NCAM1: variants seen among roughly 807,000 people sequenced by gnomAD.
NCAM1 encodes neural cell adhesion molecule 1.
Under a neutral mutation model 109.8 loss-of-function variants are expected in NCAM1, and 14 were observed. The ratio of observed to expected loss-of-function variants is 0.13; its 90% CI spans 0.08 to 0.20. The LOEUF (loss-of-function observed/expected upper bound fraction) is 0.20, where lower values mean the gene tolerates loss of function less well. Ranked by LOEUF, NCAM1 falls within the 10% of genes least tolerant of loss-of-function variation. The pLI is 1.00. For missense variants in NCAM1, 774 were observed against 1,109.9 expected, an observed-to-expected ratio of 0.70 and a Z score of 4.30; for synonymous variants, 418 against 442.9, an observed-to-expected ratio of 0.94 and a Z score of 0.70.
At chr11:113,054,671 T>A (rs1953624002) in intron 1 of NCAM1, among the ~76,000 whole-genome samples, 1 of 152,220 alleles carries the variant, frequency 6.6e-6, no homozygotes, top group African/African-American at 2.4e-5. Flanking sequence ...GGGGCCAAAT[T>A]GATCCAGTCT....
In NCAM1 at chr11:113,014,987, G is replaced by A. The variant is rs548399671; in HGVS notation, c.52+53323G>A. ...CCACCGTCTGCTTGGGTGTGCTGCCGCCAGCTGGCTTCCAGCCTTCTGCTC... is the reference window on the plus strand; with the variant it reads ...CCACCGTCTGCTTGGGTGTGCTGCCACCAGCTGGCTTCCAGCCTTCTGCTC... On this transcript the variant is annotated intron_variant, in intron 1 of 19. Coordinates refer to ENST00000316851, the MANE Select transcript of NCAM1 (RefSeq NM_181351.5). Among the ~76,000 whole-genome samples, 67 of 152,278 alleles carry A rather than the reference G, an allele frequency of 4.4e-4. No homozygotes were observed. In the South Asian group the frequency reaches 5.8e-3, roughly 13 times the overall value.
At chr11:113,262,804 C>A in intron 17 of NCAM1, 1 of 1,606,878 alleles carries the variant, frequency 6.2e-7, no homozygotes, top group Non-Finnish European at 8.5e-7. Context: ...TGTTTTTAAA[C>A]AACCACATTA....
intron 8 of NCAM1, among the ~76,000 whole-genome samples, chr11:113,215,825 C>A (rs758329579): frequency 6.6e-5 from 10 of 152,296 alleles, no homozygotes; most frequent in Non-Finnish European, 1.5e-4. Context: ...TAGAATTAAA[C>A]CCTTAGCTAA....
Position 113,275,488 on chromosome 11 carries a change from A to C in NCAM1, c.*101A>C. On this transcript the variant is annotated 3_prime_UTR_variant, in exon 20 of 20. Coordinates refer to ENST00000316851, the MANE Select transcript of NCAM1 (RefSeq NM_181351.5). Reference sequence around the variant, plus strand: ...GACACACACACGCACGCACACACACAAACACACATGCACACACACACATCT... The same window carrying C: ...GACACACACACGCACGCACACACACCAACACACATGCACACACACACATCT... 1 of 1,394,030 alleles carries C rather than the reference A, an allele frequency of 7.2e-7. No individual in the cohort carries two copies. Among genetic ancestry groups the C allele is most frequent in the South Asian group, 1.3e-5 (1 of 75,338 alleles). The allele number at this position is 1,394,030 out of a possible 1,614,324, so 86.4% of individuals were successfully genotyped here. A position where few individuals can be genotyped will look rare whatever the true frequency, so the allele number is the denominator to read the frequency against.
At chr11:113,083,422 G>A (rs1408396084) in intron 1 of NCAM1, among the ~76,000 whole-genome samples, 10 of 152,156 alleles carry the variant, frequency 6.6e-5, no homozygotes, top group African/African-American at 2.4e-4. Flanking sequence ...ACTATTTACA[G>A]GAAAAAGGTG....
chr11:113,114,269 A>G (rs1940583648), intron 1 of NCAM1, among the ~76,000 whole-genome samples: 1 of 152,166 alleles, frequency 6.6e-6, no homozygotes, highest in Admixed American at 6.5e-5. Context: ...GTTTCAGAGC[A>G]TTGCAGAGGG....
chr11:113,070,112 A>G (rs1027781634), intron 1 of NCAM1, among the ~76,000 whole-genome samples: 4 of 152,142 alleles, frequency 2.6e-5, no homozygotes, highest in African/African-American at 9.7e-5. Context: ...TGAGCCAATG[A>G]GAAGGTCATA....
At chr11:113,242,051 G>A (rs577894270) in intron 14 of NCAM1, among the ~76,000 whole-genome samples, 3 of 152,286 alleles carry the variant, frequency 2.0e-5, no homozygotes, top group Non-Finnish European at 2.9e-5. Flanking sequence ...CGCTTCTTCC[G>A]CCTGAAGCTC....
chr11:113,247,635 T>G (rs1356436537), intron 15 of NCAM1, among the ~76,000 whole-genome samples: 1 of 152,208 alleles, frequency 6.6e-6, no homozygotes, highest in Non-Finnish European at 1.5e-5. Context: ...GACTTGCCTA[T>G]GAGCCATCTT....
intron 14 of NCAM1, among the ~76,000 whole-genome samples, chr11:113,238,585 G>A (rs1169154424): frequency 5.3e-5 from 8 of 152,106 alleles, no homozygotes; most frequent in African/African-American, 1.7e-4. Context: ...AACTGAGGAC[G>A]AGCCTTAGGA....
intron 1 of NCAM1, among the ~76,000 whole-genome samples, chr11:113,042,257 CA>C (rs1348116377): frequency 2.0e-5 from 3 of 152,104 alleles, no homozygotes; most frequent in African/African-American, 7.2e-5. Flanking sequence ...GAGATGTTAT[CA>C]CCTCCTTTTC....
At chr11:113,221,476 T>C (rs1944692719) in intron 9 of NCAM1, 151 bp downstream of exon 9, 1 of 762,720 alleles carries the variant, frequency 1.3e-6, no homozygotes, top group African/African-American at 1.8e-5. Context: ...AGCAATAGTA[T>C]CATTTTAGGA....
At chr11:113,150,460 G>C (rs1942185449) in intron 1 of NCAM1, among the ~76,000 whole-genome samples, 1 of 152,158 alleles carries the variant, frequency 6.6e-6, no homozygotes, top group Non-Finnish European at 1.5e-5. Context: ...TTCCTGTTGA[G>C]AGTATACTTT....
At chr11:112,983,037 A>G (rs781808033) in intron 1 of NCAM1, among the ~76,000 whole-genome samples, 1 of 151,990 alleles carries the variant, frequency 6.6e-6, no homozygotes, top group Admixed American at 6.6e-5. Context: ...GGCAGTTTTC[A>G]TATGTAATAG....
At chr11:113,153,667 C>A (rs1173043749) in intron 1 of NCAM1, among the ~76,000 whole-genome samples, 1 of 152,156 alleles carries the variant, frequency 6.6e-6, no homozygotes, top group African/African-American at 2.4e-5. Context: ...ATGTCTGAAT[C>A]TGAGGTTAGG....
intron 1 of NCAM1, among the ~76,000 whole-genome samples, chr11:112,970,739 T>C (rs555668194): frequency 1.3e-5 from 2 of 152,330 alleles, no homozygotes; most frequent in South Asian, 4.1e-4. Flanking sequence ...AAATTTTATG[T>C]ACTGCTAGAG....
intron 1 of NCAM1, among the ~76,000 whole-genome samples, chr11:113,042,992 C>T (rs191999146): frequency 2.6e-5 from 4 of 152,290 alleles, no homozygotes; most frequent in Admixed American, 2.6e-4. Flanking sequence ...TTTGTATTCT[C>T]AAATTCTTAT....
chr11:113,189,914 C>A (rs1234905982), intron 1 of NCAM1, among the ~76,000 whole-genome samples: 3 of 151,252 alleles, frequency 2.0e-5, no homozygotes, highest in Non-Finnish European at 2.9e-5. Flanking sequence ...ATAAAAGGAT[C>A]TCATTCCATA....
chr11:113,244,069 T>G (rs782014077), intron 14 of NCAM1, among the ~76,000 whole-genome samples: 1 of 152,074 alleles, frequency 6.6e-6, no homozygotes, highest in Non-Finnish European at 1.5e-5. Context: ...GAGGGGTTTT[T>G]TTTTACATTT....
Sources: gnomAD v4.1 joint callset for allele counts (sites outside exome capture counted in the v4.1 genomes callset) on GRCh38, gnomAD v4.1.1 for gene constraint, MANE v1.5 for transcripts, NCBI Gene and HGNC (gene_info 2026-07-23, HGNC 2026-07-21) for gene names.